SLC26A4: variants seen among roughly 807,000 people sequenced by gnomAD.
SLC26A4 encodes the protein solute carrier family 26 member 4.
In SLC26A4, 93 loss-of-function variants were observed where a neutral mutation model predicts 90.4. That is an observed-to-expected ratio of 1.03 (90% CI 0.87 to 1.22). The LOEUF is 1.22. Ranked by LOEUF, SLC26A4 falls within the 50% of genes most tolerant of loss-of-function variation. SLC26A4 has a pLI of 0.00. For missense variants in SLC26A4, 1,127 were observed against 946.2 expected (o/e 1.19, Z -2.51); for synonymous variants, 393 against 354.6 (o/e 1.11, Z -1.22).
At chr7:107,694,320 G>T in intron 10 of SLC26A4, 83 bp from the exon 11 acceptor site, 1 of 982,260 alleles carries the variant, frequency 1.0e-6, no homozygotes. Flanking sequence ...CTGTGAACAG[G>T]CTGTCTCATA....
intron 17 of SLC26A4, among the ~76,000 whole-genome samples, chr7:107,702,379 A>G (rs1273772745): frequency 1.3e-5 from 2 of 152,136 alleles, no homozygotes; most frequent in African/African-American, 2.4e-5. Context: ...AAGCTAATAG[A>G]TATAAGGTGT....
chr7:107,684,701 G>C (rs1791348024), intron 8 of SLC26A4, among the ~76,000 whole-genome samples: 1 of 152,100 alleles, frequency 6.6e-6, no homozygotes, highest in Non-Finnish European at 1.5e-5. Context: ...GTGGGGCTCA[G>C]GAATTAATAT....
At chr7:107,712,695 A>G (rs1792224960) in intron 20 of SLC26A4, 73 bp downstream of exon 20, 5 of 834,978 alleles carry the variant, frequency 6.0e-6, no homozygotes, top group Non-Finnish European at 6.3e-6. Context: ...AATAGTGAAT[A>G]TATCTGATTA....
In SLC26A4 at chr7:107,661,524, AG is replaced by A. The variant is rs200483647; in HGVS notation, c.-3-109del. ...AGGACGCGGACCAGACTCGCGGTGCAGGGGGGCCTGGCTGCAGCTAACAGGT... is the reference window on the plus strand; with the variant it reads ...AGGACGCGGACCAGACTCGCGGTGCAGGGGGCCTGGCTGCAGCTAACAGGT... On this transcript the variant is annotated intron_variant, in intron 1 of 20. Transcript: ENST00000644269. This position sits in a 1 kb window ranked among gnomAD's most constrained non-coding sequence, Gnocchi z 5.1. 3.4e-6 allele frequency: 4 copies of A among 1,177,662 alleles called. No individual in the cohort carries two copies. The highest frequency in any genetic ancestry group is 4.8e-6 in the Non-Finnish European group (4 of 825,180). The allele number at this position is 1,177,662 out of a possible 1,614,324, so 73.0% of individuals were successfully genotyped here. A position where few individuals can be genotyped will look rare whatever the true frequency, so the allele number is the denominator to read the frequency against.
At chr7:107,688,844 A>G (rs1791488117) in intron 8 of SLC26A4, among the ~76,000 whole-genome samples, 1 of 152,252 alleles carries the variant, frequency 6.6e-6, no homozygotes, top group Admixed American at 6.5e-5. Context: ...AATAGAGGAC[A>G]AAGAAATCAG....
chr7:107,696,212 T>G (rs1018643690), intron 13 of SLC26A4, among the ~76,000 whole-genome samples, 173 bp downstream of exon 13: 4 of 152,216 alleles, frequency 2.6e-5, no homozygotes, highest in Admixed American at 6.5e-5. Context: ...TCTTCAAAAA[T>G]AGCCTATGAA....
At chr7:107,698,213 T>C (rs1791793775) in intron 14 of SLC26A4, 102 bp downstream of exon 14, 2 of 797,238 alleles carry the variant, frequency 2.5e-6, no homozygotes, top group African/African-American at 1.7e-5. Flanking sequence ...AAAATGCCTA[T>C]TGGGAAAGTC....
chr7:107,680,878 A>G (rs1437527596), intron 6 of SLC26A4, among the ~76,000 whole-genome samples: 1 of 152,186 alleles, frequency 6.6e-6, no homozygotes, highest in East Asian at 1.9e-4. Flanking sequence ...GTTGAAAAGT[A>G]CACCTTTAAT....
chr7:107,687,731 G>A (rs1791457147), intron 8 of SLC26A4, among the ~76,000 whole-genome samples: 1 of 152,200 alleles, frequency 6.6e-6, no homozygotes, highest in Non-Finnish European at 1.5e-5. Flanking sequence ...TAAGCTGTAT[G>A]TGAAACTGGA....
At chr7:107,681,926 A>C (rs925064776) in intron 6 of SLC26A4, among the ~76,000 whole-genome samples, 2 of 150,520 alleles carry the variant, frequency 1.3e-5, no homozygotes, top group Admixed American at 1.3e-4. Context: ...CCCTGCCCCC[A>C]CCTCCTCCCG....
chr7:107,664,787 A>G (rs1434802035), intron 3 of SLC26A4, among the ~76,000 whole-genome samples: 1 of 152,146 alleles, frequency 6.6e-6, no homozygotes. Flanking sequence ...GCAGCATGGC[A>G]TTCTCCTCTG....
chr7:107,682,948 T>C (rs1347614395), intron 6 of SLC26A4, among the ~76,000 whole-genome samples: 1 of 152,196 alleles, frequency 6.6e-6, no homozygotes, highest in Admixed American at 6.5e-5. Context: ...TCACCCAGTT[T>C]TTCCTTTCCA....
chr7:107,705,393 T>G (rs965055342), intron 18 of SLC26A4, among the ~76,000 whole-genome samples: 7 of 152,326 alleles, frequency 4.6e-5, no homozygotes, highest in Middle Eastern at 3.4e-3. Flanking sequence ...GAGGGTATAA[T>G]GTACCAGGAA....
intron 10 of SLC26A4, 29 bp downstream of exon 10, chr7:107,690,266 C>A: frequency 7.8e-7 from 1 of 1,285,276 alleles, no homozygotes; most frequent in Non-Finnish European, 1.1e-6. Flanking sequence ...TGATATCCAT[C>A]TCAGAGAACA....
chr7:107,685,803 G>A (rs544120672), intron 8 of SLC26A4, among the ~76,000 whole-genome samples: 2 of 152,288 alleles, frequency 1.3e-5, no homozygotes, highest in East Asian at 1.9e-4. Context: ...AATCTGCCCA[G>A]TTCCTCACTC....
At chr7:107,699,635 A>T (rs1458930362) in intron 14 of SLC26A4, among the ~76,000 whole-genome samples, 1 of 152,058 alleles carries the variant, frequency 6.6e-6, no homozygotes, top group Non-Finnish European at 1.5e-5. Context: ...CCTATTCAAG[A>T]AAAGTTGTAG....
intron 4 of SLC26A4, among the ~76,000 whole-genome samples, chr7:107,673,694 A>G (rs542557654): frequency 1.3e-5 from 2 of 152,182 alleles, no homozygotes; most frequent in East Asian, 1.9e-4. Context: ...GCCTATTTCT[A>G]GGTCATGAAT....
At chr7:107,662,012 A>C (rs1790573042) in intron 2 of SLC26A4, 1 of 604,780 alleles carries the variant, frequency 1.7e-6, no homozygotes, top group Non-Finnish European at 2.9e-6. Context: ...CTCGGGCCCG[A>C]AATGAACTTA....
At chr7:107,699,970 T>G (rs1791840788) in intron 14 of SLC26A4, 113 bp from the exon 15 acceptor site, 2 of 726,144 alleles carry the variant, frequency 2.8e-6, no homozygotes, top group Non-Finnish European at 5.1e-6. Context: ...TGAGTGCTGC[T>G]ACCCAGCTCC....
Sources: allele counts gnomAD v4.1 joint callset (sites outside exome capture counted in the v4.1 genomes callset), GRCh38; gene constraint gnomAD v4.1.1; non-coding constraint Gnocchi (gnomAD v3.1); transcripts MANE v1.5; gene names NCBI Gene and HGNC (gene_info 2026-07-23, HGNC 2026-07-21).